The following ARMH4 variants were observed in gnomAD, a reference collection of about 807,000 sequenced individuals.
ARMH4 encodes armadillo like helical domain containing 4, also known as armadillo-like helical domain-containing protein 4.
ARMH4 carries 49 observed loss-of-function variants against 61.9 expected under a neutral mutation model. The ratio of observed to expected loss-of-function variants is 0.79; its 90% CI spans 0.63 to 1.00. ARMH4 has a LOEUF of 1.00. Ranked by LOEUF, ARMH4 falls within the 50% of genes least tolerant of loss-of-function variation. The pLI, the probability that ARMH4 is intolerant of heterozygous loss-of-function variation, is 0.00. For synonymous variants in ARMH4, 368 were observed against 341.5 expected (o/e 1.08, Z -0.85); for missense variants, 934 against 930.0 (o/e 1.00, Z -0.06).
At chr14:58,023,774 C>A (rs575442919) in intron 5 of ARMH4, among the ~76,000 whole-genome samples, 5 of 152,230 alleles carry the variant, frequency 3.3e-5, no homozygotes, top group African/African-American at 1.2e-4. Flanking sequence ...ATTCCTTGAT[C>A]CATGAACTGC....
intron 5 of ARMH4, among the ~76,000 whole-genome samples, chr14:58,044,408 C>T (rs2141188429): frequency 6.6e-6 from 1 of 152,222 alleles, no homozygotes; most frequent in East Asian, 1.9e-4. Flanking sequence ...AACTGGCTAG[C>T]CATATGTAGA....
intron 1 of ARMH4, among the ~76,000 whole-genome samples, chr14:58,144,037 G>T (rs1887653153): frequency 6.6e-6 from 1 of 152,074 alleles, no homozygotes; most frequent in Non-Finnish European, 1.5e-5. Context: ...GCTTCCCAAA[G>T]TGCTGGGATT....
Position 58,012,121 on chromosome 14 carries a change from T to G in ARMH4, c.2119A>C (p.Lys707Gln). 6.7e-7 allele frequency: 1 copy of G among 1,482,992 alleles called. No individual in the cohort carries two copies. Among genetic ancestry groups the G allele is most frequent in the Non-Finnish European group, 9.2e-7 (1 of 1,083,230 alleles). The allele number at this position is 1,482,992 out of a possible 1,614,324, so 91.9% of individuals were successfully genotyped here. ...VRSWMEKLKD[K>Q]AGYMSGMLVP... is the part of the protein sequence containing the mutation. ...ATGGAAGAAAATACTTTTCTTACCT[T>G]GTCTTTTAATTTTTCCATCCAGCTT... The change falls in exon 6 of 8, where the codon AAG (lysine) becomes CAG (glutamine). Residue 707 changes from lysine (K) to glutamine (Q), a missense_variant and splice_region_variant. Transcript: ENST00000267485.
chr14:58,071,935 A>C (rs1884895260), intron 5 of ARMH4, among the ~76,000 whole-genome samples: 1 of 152,222 alleles, frequency 6.6e-6, no homozygotes, highest in Non-Finnish European at 1.5e-5. Flanking sequence ...CTGTCTTTCT[A>C]ATTTGTGCCC....
At chr14:58,077,293 G>C (rs945430862) in intron 5 of ARMH4, among the ~76,000 whole-genome samples, 15 of 152,184 alleles carry the variant, frequency 9.9e-5, no homozygotes, top group African/African-American at 3.1e-4. Context: ...GTATCAGGCA[G>C]AGTGAAAAAA....
intron 4 of ARMH4, among the ~76,000 whole-genome samples, chr14:58,125,547 T>C (rs1886870831): frequency 6.6e-6 from 1 of 152,196 alleles, no homozygotes; most frequent in African/African-American, 2.4e-5. Flanking sequence ...TTAATCTCCT[T>C]GTTAAGTTTG....
At position 58,134,685 on chromosome 14, in the gene ARMH4, G is replaced by T. The variant is rs370749847; in HGVS notation, c.1370-1344C>A. On this transcript the variant is annotated intron_variant, in intron 2 of 7. Transcript: ENST00000267485. ...TTTTTATTAATGACAGGCCAGGCACGGTGGCTCATGCCTGTAATACCAGCA... is the reference window on the plus strand; with the variant it reads ...TTTTTATTAATGACAGGCCAGGCACTGTGGCTCATGCCTGTAATACCAGCA... Among the ~76,000 whole-genome samples the T allele has an allele frequency of 2.0e-5, 3 of 151,970 alleles. No individual in the cohort carries two copies. The South Asian group carries it at 6.2e-4, about 32-fold the overall frequency.
chr14:58,005,150 TAC>T lies in ARMH4; in HGVS notation c.2152_2153del (p.Val718ArgfsTer18), dbSNP rs755697259. The T allele has an allele frequency of 1.2e-6, 2 of 1,613,942 alleles. No homozygotes were observed. Among genetic ancestry groups the T allele is most frequent in the Admixed American group, 3.3e-5 (2 of 59,974 alleles). On this transcript the variant is annotated frameshift_variant, in exon 7 of 8. Coordinates refer to ENST00000267485, the MANE Select transcript of ARMH4 (RefSeq NM_001001872.4). LOFTEE classifies it high-confidence loss of function. The part of the protein sequence containing the change: ...AGYMSGMLVP[V>X]GVGIAGALFI... The stretch of plus-strand genomic sequence containing the variant: ...ACAAGGCTCCAGCTATCCCAACCCC[TAC>T]AGGCACCAGCATCCCAGACATGTAA...
chr14:58,030,003 G>A (rs914035001), intron 5 of ARMH4, among the ~76,000 whole-genome samples: 4 of 152,066 alleles, frequency 2.6e-5, no homozygotes, highest in African/African-American at 9.7e-5. Context: ...GACATACAGT[G>A]GAATATTATT....
At chr14:58,081,155 G>A (rs1885213184) in intron 5 of ARMH4, among the ~76,000 whole-genome samples, 1 of 151,414 alleles carries the variant, frequency 6.6e-6, no homozygotes, top group South Asian at 2.1e-4. Context: ...TCCCAAGTGA[G>A]GTTTCCTCAA....
chr14:58,047,502 T>C (rs1174302880), intron 5 of ARMH4, among the ~76,000 whole-genome samples: 1 of 152,174 alleles, frequency 6.6e-6, no homozygotes, highest in East Asian at 1.9e-4. Flanking sequence ...GTAAGGTAGG[T>C]ACAGCCATTA....
At chr14:58,088,036 A>G (rs1885436768) in intron 5 of ARMH4, among the ~76,000 whole-genome samples, 1 of 152,212 alleles carries the variant, frequency 6.6e-6, no homozygotes, top group Admixed American at 6.5e-5. Flanking sequence ...GTTGGGAATG[A>G]GCAGCAGGAT....
intron 1 of ARMH4, among the ~76,000 whole-genome samples, chr14:58,148,087 T>A (rs1252219361): frequency 6.6e-6 from 1 of 152,198 alleles, no homozygotes; most frequent in Non-Finnish European, 1.5e-5. Flanking sequence ...TCTCGCTCTG[T>A]CGCCCAGGCT....
chr14:58,005,127 A>G lies in ARMH4; in HGVS notation c.2177T>C (p.Leu726Ser), dbSNP rs1197758413. 1.2e-6 allele frequency: 2 copies of G among 1,614,018 alleles called. No homozygotes were observed. Among genetic ancestry groups the G allele is most frequent in the Non-Finnish European group, 1.7e-6 (2 of 1,179,948 alleles). The change falls in exon 7 of 8, where the codon TTG becomes TCG. Residue 726 changes from leucine (L) to serine (S), a missense_variant. By Grantham distance (145) the Leu-to-Ser change is moderately radical. Transcript: ENST00000267485. ...GCTGTAGAGGGCTCCCAAGATGAAC[A>G]AGGCTCCAGCTATCCCAACCCCTAC... ...VPVGVGIAGA[L>S]FILGALYSIK...
At chr14:58,040,775 T>C (rs558386752) in intron 5 of ARMH4, among the ~76,000 whole-genome samples, 38 of 152,224 alleles carry the variant, frequency 2.5e-4, no homozygotes, top group Non-Finnish European at 5.0e-4. Context: ...TTAGGTTCTA[T>C]AGGACCCTTA....
intron 4 of ARMH4, among the ~76,000 whole-genome samples, chr14:58,109,980 T>G (rs933954220): frequency 6.6e-6 from 1 of 152,060 alleles, no homozygotes. Flanking sequence ...GTCCAACACT[T>G]ATAGAACCAT....
At chr14:58,139,995 C>T (rs1887476836) in intron 1 of ARMH4, among the ~76,000 whole-genome samples, 1 of 152,102 alleles carries the variant, frequency 6.6e-6, no homozygotes, top group South Asian at 2.1e-4. Flanking sequence ...CAGAGCCAGG[C>T]ACAGTGGCTC....
At chr14:58,041,626 T>C (rs1189283028) in intron 5 of ARMH4, among the ~76,000 whole-genome samples, 1 of 152,016 alleles carries the variant, frequency 6.6e-6, no homozygotes, top group Non-Finnish European at 1.5e-5. Context: ...GGCTAAATGC[T>C]CCAATTAAAA....
intron 4 of ARMH4, among the ~76,000 whole-genome samples, chr14:58,110,109 T>C (rs1886302677): frequency 6.6e-6 from 1 of 152,152 alleles, no homozygotes; most frequent in Non-Finnish European, 1.5e-5. Context: ...AAGATGAGAT[T>C]TGGGTGGGGA....
Sources: allele counts gnomAD v4.1 joint callset (sites outside exome capture counted in the v4.1 genomes callset), GRCh38; gene constraint gnomAD v4.1.1; transcripts MANE v1.5; gene names NCBI Gene and HGNC (gene_info 2026-07-23, HGNC 2026-07-21).